The following CNTNAP2 variants were observed in gnomAD, a reference collection of about 807,000 sequenced individuals.
CNTNAP2 encodes the protein contactin-associated protein-like 2.
In CNTNAP2, 98 loss-of-function variants were observed where a neutral mutation model predicts 155.2. The ratio of observed to expected loss-of-function variants is 0.63; its 90% confidence interval spans 0.54 to 0.75. The LOEUF (loss-of-function observed/expected upper bound fraction) is 0.75, where lower values mean the gene tolerates loss of function less well. Ranked by LOEUF, CNTNAP2 falls within the 30% of genes least tolerant of loss-of-function variation. CNTNAP2 has a pLI of 0.00. For synonymous variants in CNTNAP2, 651 were observed against 631.2 expected, an observed-to-expected ratio of 1.03 and a Z score of -0.47; for missense variants, 1,727 against 1,688.1, an observed-to-expected ratio of 1.02 and a Z score of -0.40.
intron 8 of CNTNAP2, among the ~76,000 whole-genome samples, chr7:147,219,865 T>G (rs963452156): frequency 4.0e-5 from 6 of 151,308 alleles, no homozygotes; most frequent in Non-Finnish European, 8.8e-5. Context: ...AAGCTCCGCC[T>G]CCCGGGTTCA....
chr7:148,192,327 G>A (rs1035576324), intron 18 of CNTNAP2, among the ~76,000 whole-genome samples: 1 of 152,094 alleles, frequency 6.6e-6, no homozygotes, highest in Admixed American at 6.5e-5. Flanking sequence ...ACTTATAAAT[G>A]AGAATATGCA....
intron 1 of CNTNAP2, among the ~76,000 whole-genome samples, chr7:146,452,987 G>A (rs1266186587): frequency 6.6e-6 from 1 of 152,200 alleles, no homozygotes; most frequent in Non-Finnish European, 1.5e-5. Flanking sequence ...CCCAGCTACT[G>A]TGTGGAAAGA....
At chr7:147,433,170 T>C (rs376588785) in intron 10 of CNTNAP2, among the ~76,000 whole-genome samples, 6 of 152,230 alleles carry the variant, frequency 3.9e-5, no homozygotes, top group East Asian at 3.8e-4. Flanking sequence ...TCGTGACGCC[T>C]CTTTTATATC....
chr7:146,413,837 C>CT lies in CNTNAP2; in HGVS notation c.97+296872dup, dbSNP rs559538082. ...CACTTTTTACCTATATTTTTCTTTT[C>CT]TTTTTTTTCTTTTTTAAAAGTTGAG... On this transcript the variant is annotated intron_variant, in intron 1 of 23. Coordinates refer to ENST00000361727, the MANE Select transcript of CNTNAP2 (RefSeq NM_014141.6). 8.9e-4 allele frequency among the ~76,000 whole-genome samples: 136 copies of CT among 152,026 alleles called. 1 individual carries two copies. Among genetic ancestry groups the CT allele is most frequent in the Non-Finnish European group, 1.5e-3 (100 of 67,948 alleles).
At chr7:148,207,152 A>G (rs534511645) in intron 18 of CNTNAP2, among the ~76,000 whole-genome samples, 2 of 152,360 alleles carry the variant, frequency 1.3e-5, no homozygotes, top group South Asian at 4.1e-4. Context: ...ATTAAATGCA[A>G]ACAAGGTTAT....
At chr7:147,919,449 C>CTTTCTTTTTTTTTTTTTTTTT (rs1800220724) in intron 14 of CNTNAP2, among the ~76,000 whole-genome samples, 2 of 58,754 alleles carry the variant, frequency 3.4e-5, no homozygotes, top group African/African-American at 1.1e-4. Flanking sequence ...TGTCTGGCTA[C>CTTTCTTTTTTTTTTTTTTTTT]TTTTTCTTTC....
At chr7:147,792,204 A>C (rs117614315) in intron 13 of CNTNAP2, among the ~76,000 whole-genome samples, 172 of 152,316 alleles carry the variant, frequency 1.1e-3, no homozygotes, top group Non-Finnish European at 1.4e-3. Context: ...CTTTATGAAG[A>C]TACAATTCAC....
chr7:146,766,041 A>G (rs1237258043), intron 1 of CNTNAP2, among the ~76,000 whole-genome samples: 1 of 152,132 alleles, frequency 6.6e-6, no homozygotes, highest in Non-Finnish European at 1.5e-5. Context: ...TCGATTTTAT[A>G]CTAAATAAGA....
At chr7:147,009,925 T>C (rs1798592610) in intron 3 of CNTNAP2, among the ~76,000 whole-genome samples, 1 of 152,076 alleles carries the variant, frequency 6.6e-6, no homozygotes, top group Non-Finnish European at 1.5e-5. Flanking sequence ...TATGTAGCTC[T>C]GCCCAGTGGA....
chr7:147,170,631 C>G (rs1021918279), intron 8 of CNTNAP2, among the ~76,000 whole-genome samples: 3 of 152,114 alleles, frequency 2.0e-5, no homozygotes, highest in African/African-American at 7.2e-5. Flanking sequence ...CAGCTCAGCA[C>G]TCCTGAGCCA....
At chr7:147,584,448 A>G (rs993074301) in intron 12 of CNTNAP2, among the ~76,000 whole-genome samples, 4 of 152,196 alleles carry the variant, frequency 2.6e-5, no homozygotes, top group Non-Finnish European at 5.9e-5. Flanking sequence ...TCATTTCCTT[A>G]TTCTGAAATA....
chr7:148,217,500 T>A lies in CNTNAP2; in HGVS notation c.3223T>A (p.Leu1075Met). The A allele has an allele frequency of 6.2e-7, 1 of 1,614,190 alleles. No individual in the cohort carries two copies. Among genetic ancestry groups the A allele is most frequent in the Non-Finnish European group, 8.5e-7 (1 of 1,180,042 alleles). ...CATCAGCTCCTTCACCACAGACTTC[T>A]TGGCAGTCCTCGTCAAACCCACTGG... is the stretch of plus-strand genomic sequence containing the variant. ...LYISSFTTDF[L>M]AVLVKPTGSL... The change falls in exon 19 of 24, where the codon TTG becomes ATG. Residue 1075 changes from leucine (L) to methionine (M), a missense_variant. Physicochemically the swap from Leu to Met is conservative, Grantham distance 15. Transcript: ENST00000361727.
chr7:147,470,705 A>T (rs1293172390), intron 10 of CNTNAP2, among the ~76,000 whole-genome samples: 1 of 152,172 alleles, frequency 6.6e-6, no homozygotes, highest in Non-Finnish European at 1.5e-5. Flanking sequence ...GTGATTGAGG[A>T]CGACTGAGAA....
At chr7:147,290,386 A>G (rs1805276401) in intron 8 of CNTNAP2, among the ~76,000 whole-genome samples, 1 of 152,128 alleles carries the variant, frequency 6.6e-6, no homozygotes, top group Non-Finnish European at 1.5e-5. Flanking sequence ...CCAAAGTATA[A>G]AAAATATGAC....
intron 1 of CNTNAP2, among the ~76,000 whole-genome samples, chr7:146,494,348 T>TAA (rs1210620267): frequency 4.2e-4 from 63 of 150,798 alleles, no homozygotes; most frequent in African/African-American, 1.3e-3. Context: ...AAAAAATAAA[T>TAA]AAATAAAAAT....
intron 1 of CNTNAP2, among the ~76,000 whole-genome samples, chr7:146,473,041 G>T (rs990495586): frequency 6.6e-6 from 1 of 151,580 alleles, no homozygotes; most frequent in African/African-American, 2.4e-5. Flanking sequence ...CAGAGAAGTA[G>T]ATCTATATTT....
intron 18 of CNTNAP2, among the ~76,000 whole-genome samples, chr7:148,176,314 T>C (rs1465847823): frequency 7.2e-6 from 1 of 139,718 alleles, no homozygotes; most frequent in Non-Finnish European, 1.5e-5. Context: ...CTCTGCCTCC[T>C]AGGTTCAAGT....
chr7:147,534,750 A>C (rs192827096), intron 11 of CNTNAP2, among the ~76,000 whole-genome samples: 2 of 152,226 alleles, frequency 1.3e-5, no homozygotes, highest in African/African-American at 4.8e-5. Context: ...TTTGATTCTC[A>C]CAATCAAGAT....
intron 1 of CNTNAP2, among the ~76,000 whole-genome samples, chr7:146,185,250 C>A (rs189935550): frequency 2.2e-3 from 331 of 152,126 alleles, no homozygotes; most frequent in Admixed American, 4.4e-3. Context: ...AAAAATACTA[C>A]TTTTTAGTGC....
Sources: allele counts gnomAD v4.1 joint callset (sites outside exome capture counted in the v4.1 genomes callset), GRCh38; gene constraint gnomAD v4.1.1; transcripts MANE v1.5; gene names NCBI Gene and HGNC (gene_info 2026-07-23, HGNC 2026-07-21).